Variants in IPO9 observed in about 807,000 individuals in gnomAD.
IPO9 encodes the protein importin-9.
In IPO9, 28 loss-of-function variants were observed where a neutral mutation model predicts 128.6. That is an observed-to-expected ratio of 0.22 (90% CI 0.16 to 0.30). The LOEUF is 0.30. Ranked by LOEUF, IPO9 falls within the 10% of genes least tolerant of loss-of-function variation. The pLI, the probability that IPO9 is intolerant of heterozygous loss-of-function variation, is 1.00. For synonymous variants in IPO9, 455 were observed against 475.8 expected (o/e 0.96, Z 0.57); for missense variants, 935 against 1,293.9 (o/e 0.72, Z 4.26).
intron 1 of IPO9, among the ~76,000 whole-genome samples, chr1:201,836,721 G>T (rs999675689): frequency 6.6e-6 from 1 of 152,050 alleles, no homozygotes; most frequent in African/African-American, 2.4e-5. Context: ...GAATAAATTG[G>T]GTTAAGTAAA....
rs1680719228 is a variant in IPO9 at position 201,874,367 on chromosome 1, G to A, written c.2828G>A (p.Ser943Asn). Reference protein sequence around the residue: ...AARQATPAEWSQDDSNDMWED... With the variant: ...AARQATPAEWNQDDSNDMWED... ...CGCCAGGCCACTCCTGCAGAGTGGA[G>A]TCAAGGTGCACCAGGCCCTTACTCC... Residue 943 changes from serine to asparagine, a missense_variant, in exon 21 of 24, where the codon AGT becomes AAT. By Grantham distance (46) the Ser-to-Asn change is conservative (BLOSUM62 1). Around this residue, in one of 3 missense-constraint regions of IPO9, gnomAD observed 188 missense variants for 246.7 expected, o/e 0.76. Coordinates refer to ENST00000361565, the MANE Select transcript of IPO9 (RefSeq NM_018085.5). The A allele has an allele frequency of 6.2e-7, 1 of 1,613,432 alleles. No individual in the cohort carries two copies. The highest frequency in any genetic ancestry group is 1.3e-5 in the African/African-American group (1 of 74,926).
At chr1:201,871,512 C>A (rs1477922198) in intron 19 of IPO9, among the ~76,000 whole-genome samples, 185 bp downstream of exon 19, 4 of 151,036 alleles carry the variant, frequency 2.6e-5, no homozygotes, top group African/African-American at 9.7e-5. Context: ...CCTGCCTCAG[C>A]CGTCCGAATA....
At chr1:201,863,784 A>G (rs537981949) in intron 14 of IPO9, among the ~76,000 whole-genome samples, 177 bp downstream of exon 14, 2 of 152,352 alleles carry the variant, frequency 1.3e-5, no homozygotes, top group South Asian at 2.1e-4. Context: ...TTGTGAGTCC[A>G]GAAGATGTCC....
At chr1:201,844,967 T>G (rs1680098448) in intron 1 of IPO9, among the ~76,000 whole-genome samples, 1 of 151,972 alleles carries the variant, frequency 6.6e-6, no homozygotes, top group Non-Finnish European at 1.5e-5. Flanking sequence ...TTACATATAT[T>G]ATATTATTCA....
chr1:201,856,933 C>T (rs569060538), intron 10 of IPO9, among the ~76,000 whole-genome samples, 163 bp from the exon 11 acceptor site: 1 of 152,302 alleles, frequency 6.6e-6, no homozygotes, highest in East Asian at 1.9e-4. Context: ...GCAGTCCTCC[C>T]ACCTTGGCCT....
chr1:201,840,129 G>A (rs561256189), intron 1 of IPO9, among the ~76,000 whole-genome samples: 59 of 152,152 alleles, frequency 3.9e-4, no homozygotes, highest in Non-Finnish European at 6.9e-4. Context: ...TCACTCTGTC[G>A]CCCAGGCTGG....
rs911728698 is a variant in IPO9 at position 201,878,435 on chromosome 1, G to T, written c.*2381G>T. 3.3e-5 allele frequency: 5 copies of T among 152,594 alleles called. No homozygotes were observed. Among genetic ancestry groups the T allele is most frequent in the African/African-American group, 7.2e-5 (3 of 41,430 alleles). 9.5% of individuals were successfully genotyped at this position (152,594 alleles called of 1,614,324 possible). ...CTGAGAATGATGGGGGTCCCTCTGC[G>T]TCTGCTAATTAGACAAACATTCTAT... On this transcript the variant is annotated 3_prime_UTR_variant, in exon 24 of 24. Coordinates refer to ENST00000361565, the MANE Select transcript of IPO9 (RefSeq NM_018085.5).
At chr1:201,856,538 CAG>C (rs1308342159) in intron 10 of IPO9, among the ~76,000 whole-genome samples, 1 of 152,160 alleles carries the variant, frequency 6.6e-6, no homozygotes, top group African/African-American at 2.4e-5. Flanking sequence ...TTGACATTGG[CAG>C]AGAGCTAGTA....
At chr1:201,845,023 GGA>G (rs200856536) in intron 1 of IPO9, among the ~76,000 whole-genome samples, 109 of 140,490 alleles carry the variant, frequency 7.8e-4, no homozygotes, top group Admixed American at 2.0e-3. Flanking sequence ...ATTTTTTTTG[GGA>G]GGGGGGGGCG....
In IPO9 at chr1:201,854,665, T is replaced by C. The variant is rs780812548; in HGVS notation, c.761T>C (p.Ile254Thr). Residue 254 changes from isoleucine to threonine, a missense_variant, in exon 7 of 24, where the codon ATA becomes ACA. Ile to Thr is a moderately conservative substitution (Grantham distance 89). Around this residue, in one of 3 missense-constraint regions of IPO9, gnomAD observed 741 missense variants for 1,019.1 expected, o/e 0.73. Coordinates refer to ENST00000361565, the MANE Select transcript of IPO9 (RefSeq NM_018085.5). ...FTEAFVQALQIPDGPTSDSGF... is the reference protein window; with the variant it reads ...FTEAFVQALQTPDGPTSDSGF... ...GAGGCCTTTGTTCAGGCCCTCCAGA[T>C]ACCAGATGGCCCCACATCTGACAGT... is the stretch of plus-strand genomic sequence containing the variant. The C allele has an allele frequency of 1.9e-6, 3 of 1,614,214 alleles. No homozygotes were observed. Among genetic ancestry groups the C allele is most frequent in the East Asian group, 4.5e-5 (2 of 44,882 alleles).
intron 4 of IPO9, chr1:201,850,633 C>G (rs1216185208): frequency 1.3e-5 from 2 of 152,076 alleles, no homozygotes; most frequent in African/African-American, 2.4e-5. Context: ...GGAATTAAAC[C>G]TATAAAGTAT....
In IPO9 at chr1:201,879,500, G is replaced by T. The variant is rs1680843774; in HGVS notation, c.*3446G>T. 1.3e-5 allele frequency: 2 copies of T among 152,154 alleles called. No homozygotes were observed. Among genetic ancestry groups the T allele is most frequent in the Non-Finnish European group, 2.9e-5 (2 of 68,028 alleles). The allele number at this position is 152,154 out of a possible 1,614,324, so 9.4% of individuals were successfully genotyped here. On this transcript the variant is annotated 3_prime_UTR_variant, in exon 24 of 24. Transcript: ENST00000361565. ...TACCCATTCCACAAAAGAATTTGAA[G>T]CCATTTACACAAGAGATAGTACTAG...
In IPO9 at chr1:201,852,180, C is replaced by T; in HGVS notation, c.591C>T (p.Phe197=). The T allele has an allele frequency of 6.2e-7, 1 of 1,607,786 alleles. No individual in the cohort carries two copies. ...PVILPEMYKI[F]TMAEVYGIRT... Reference sequence around the variant, plus strand: ...TTCTCCCAGAGATGTATAAGATCTTCACCATGGCTGAGGTATGAAATCTCA... The same window carrying T: ...TTCTCCCAGAGATGTATAAGATCTTTACCATGGCTGAGGTATGAAATCTCA... The change falls in exon 5 of 24, where the codon TTC becomes TTT. Residue 197 remains phenylalanine, a synonymous_variant. Transcript: ENST00000361565.
chr1:201,873,474 G>A (rs1034849887), intron 20 of IPO9, among the ~76,000 whole-genome samples: 5 of 148,956 alleles, frequency 3.4e-5, no homozygotes, highest in African/African-American at 7.4e-5. Flanking sequence ...AAATGCAGGC[G>A]TGGTGGCTCA....
rs1440459792 is a variant in IPO9 at position 201,877,487 on chromosome 1, T to TCTCACACA, written c.*1434_*1435insTCACACAC. 4.0e-5 allele frequency: 6 copies of TCTCACACA among 149,998 alleles called. No homozygotes were observed. The highest frequency in any genetic ancestry group is 1.5e-4 in the African/African-American group (6 of 40,710). 9.3% of individuals were successfully genotyped at this position (149,998 alleles called of 1,614,324 possible). A position where few individuals can be genotyped will look rare whatever the true frequency, so the allele number is the denominator to read the frequency against. On this transcript the variant is annotated 3_prime_UTR_variant, in exon 24 of 24. Transcript: ENST00000361565. ...CGTTGCATTCCAAGGCAAGACTCAA[T>TCTCACACA]CACACACACACACACACACACACAC... is the stretch of plus-strand genomic sequence containing the variant.
rs1451059990 is a variant in IPO9, at chr1:201,859,198, TATATATATAA to T, written c.1468+206_1468+215del. On this transcript the variant is annotated intron_variant, in intron 13 of 23. Coordinates refer to ENST00000361565, the MANE Select transcript of IPO9 (RefSeq NM_018085.5). ...AAAGTATAATATATATATATATATATATATATATAAAGGAAACTCTTTAAACCTGTCATTA... is the reference window on the plus strand; with the variant it reads ...AAAGTATAATATATATATATATATATAGGAAACTCTTTAAACCTGTCATTA... Among the ~76,000 whole-genome samples, 6 of 140,286 alleles carry T rather than the reference TATATATATAA, an allele frequency of 4.3e-5. 1 individual carries two copies. The South Asian group carries it at 6.8e-4, about 16-fold the overall frequency. The allele number at this position is 140,286 out of a possible 152,430, so 92.0% of individuals were successfully genotyped here.
At chr1:201,839,560 CAAAAA>C (rs4025036) in intron 1 of IPO9, among the ~76,000 whole-genome samples, 5 of 33,952 alleles carry the variant, frequency 1.5e-4, no homozygotes, top group Admixed American at 2.9e-4. Flanking sequence ...GACTCCATCT[CAAAAA>C]AAAAAAAAAA....
chr1:201,868,918 C>T, intron 16 of IPO9, 122 bp downstream of exon 16: 1 of 1,348,624 alleles, frequency 7.4e-7, no homozygotes, highest in Non-Finnish European at 9.7e-7. Flanking sequence ...TTGCTGAGCT[C>T]TTTTGCCTGC....
At chr1:201,836,748 CCT>C (rs1431583666) in intron 1 of IPO9, among the ~76,000 whole-genome samples, 1 of 151,934 alleles carries the variant, frequency 6.6e-6, no homozygotes, top group African/African-American at 2.4e-5. Flanking sequence ...TTGTATTTTC[CCT>C]CTTTCATCCC....
Sources: allele counts gnomAD v4.1 joint callset (sites outside exome capture counted in the v4.1 genomes callset), GRCh38; gene constraint gnomAD v4.1.1; regional missense constraint gnomAD v4.1.1; transcripts MANE v1.5; gene names NCBI Gene and HGNC (gene_info 2026-07-23, HGNC 2026-07-21).